TMEM132D: variants seen among roughly 807,000 people sequenced by gnomAD.
The protein encoded by TMEM132D is transmembrane protein 132D, also known as mature OL transmembrane protein.
A neutral mutation model predicts 62.3 loss-of-function variants in TMEM132D; 21 were observed. The ratio of observed to expected loss-of-function variants is 0.34; its 90% CI spans 0.24 to 0.49. TMEM132D has a LOEUF of 0.49. Ranked by LOEUF, TMEM132D falls within the 20% of genes least tolerant of loss-of-function variation. The pLI, the probability that TMEM132D is intolerant of heterozygous loss-of-function variation, is 0.99. For synonymous variants in TMEM132D, 621 were observed against 575.6 expected, an observed-to-expected ratio of 1.08 and a Z score of -1.13; for missense variants, 1,346 against 1,402.8, an observed-to-expected ratio of 0.96 and a Z score of 0.65.
chr12:129,324,827 CAAGAAAAA>C (rs899843241), intron 4 of TMEM132D, among the ~76,000 whole-genome samples: 3 of 149,656 alleles, frequency 2.0e-5, no homozygotes, highest in African/African-American at 7.4e-5. Context: ...GACTCCATCT[CAAGAAAAA>C]AAGAAAAAAA....
intron 3 of TMEM132D, among the ~76,000 whole-genome samples, chr12:129,358,817 G>T (rs1407190908): frequency 3.9e-5 from 6 of 152,122 alleles, no homozygotes; most frequent in Non-Finnish European, 7.3e-5. Context: ...AGGAACTGCA[G>T]GCACAAATGC....
intron 3 of TMEM132D, among the ~76,000 whole-genome samples, chr12:129,518,497 G>A (rs1440333317): frequency 2.7e-5 from 4 of 149,548 alleles, no homozygotes; most frequent in African/African-American, 4.9e-5. Flanking sequence ...TGACTATATT[G>A]TGTGTGTGTG....
intron 5 of TMEM132D, among the ~76,000 whole-genome samples, chr12:129,136,879 TATC>T (rs920289897): frequency 9.2e-5 from 13 of 141,182 alleles, no homozygotes; most frequent in African/African-American, 2.9e-4. Flanking sequence ...CCATCATTAC[TATC>T]ATCATCACCA....
At chr12:129,083,741 A>G (rs1695441672) in intron 6 of TMEM132D, among the ~76,000 whole-genome samples, 1 of 152,232 alleles carries the variant, frequency 6.6e-6, no homozygotes, top group Non-Finnish European at 1.5e-5. Context: ...TACTTTTAGC[A>G]ATCAACATGT....
chr12:129,292,846 G>GA (rs1207087265), intron 4 of TMEM132D, among the ~76,000 whole-genome samples: 1 of 152,108 alleles, frequency 6.6e-6, no homozygotes, highest in Non-Finnish European at 1.5e-5. Context: ...CAAAAGTCTA[G>GA]AAAAAAGGTA....
intron 3 of TMEM132D, among the ~76,000 whole-genome samples, chr12:129,497,815 A>G (rs1875005945): frequency 6.6e-6 from 1 of 152,092 alleles, no homozygotes; most frequent in Middle Eastern, 3.2e-3. Flanking sequence ...GCACACTACC[A>G]TGCCCAGCTA....
chr12:129,106,989 T>C (rs1875522035), intron 5 of TMEM132D, among the ~76,000 whole-genome samples: 1 of 152,162 alleles, frequency 6.6e-6, no homozygotes, highest in Non-Finnish European at 1.5e-5. Flanking sequence ...TACCTCAGCA[T>C]CCCCTAACTG....
chr12:129,515,890 C>T (rs1413259039), intron 3 of TMEM132D, among the ~76,000 whole-genome samples: 3 of 152,158 alleles, frequency 2.0e-5, no homozygotes, highest in Non-Finnish European at 4.4e-5. Context: ...CATGTAAAAC[C>T]TTGGTTAAAT....
At chr12:129,118,141 T>TA (rs1875949880) in intron 5 of TMEM132D, among the ~76,000 whole-genome samples, 1 of 152,232 alleles carries the variant, frequency 6.6e-6, no homozygotes, top group Non-Finnish European at 1.5e-5. Context: ...CCCCTAAAAA[T>TA]ACAGCTCAGA....
chr12:129,378,825 A>G (rs1025252490), intron 3 of TMEM132D, among the ~76,000 whole-genome samples: 3 of 152,212 alleles, frequency 2.0e-5, no homozygotes, highest in African/African-American at 4.8e-5. Context: ...GGAAAGTTCA[A>G]TCAACAGGAA....
chr12:129,283,564 C>T (rs990327493), intron 4 of TMEM132D, among the ~76,000 whole-genome samples: 2 of 152,182 alleles, frequency 1.3e-5, no homozygotes, highest in Non-Finnish European at 2.9e-5. Context: ...AAACATATCT[C>T]TACTGAATTT....
intron 4 of TMEM132D, among the ~76,000 whole-genome samples, chr12:129,287,949 C>T (rs984781553): frequency 3.3e-5 from 5 of 152,164 alleles, no homozygotes; most frequent in East Asian, 3.9e-4. Flanking sequence ...AGCACTGTAG[C>T]GTTGTAATAT....
chr12:129,600,156 TA>T (rs1878447701), intron 2 of TMEM132D, among the ~76,000 whole-genome samples: 1 of 152,256 alleles, frequency 6.6e-6, no homozygotes. Flanking sequence ...TGTAATATTC[TA>T]AATCCTTTGT....
At chr12:129,685,667 G>A (rs1188098060) in intron 2 of TMEM132D, among the ~76,000 whole-genome samples, 1 of 152,132 alleles carries the variant, frequency 6.6e-6, no homozygotes, top group Non-Finnish European at 1.5e-5. Flanking sequence ...AGGGCCAACT[G>A]TCCCCCAGAC....
At chr12:129,367,972 G>C (rs1870475445) in intron 3 of TMEM132D, among the ~76,000 whole-genome samples, 1 of 151,968 alleles carries the variant, frequency 6.6e-6, no homozygotes, top group South Asian at 2.1e-4. Context: ...TTTTAGTAGA[G>C]ATGGGGTTTA....
chr12:129,213,520 C>CAAAAT (rs1879112519), intron 4 of TMEM132D, among the ~76,000 whole-genome samples: 1 of 151,454 alleles, frequency 6.6e-6, no homozygotes, highest in Non-Finnish European at 1.5e-5. Context: ...CAAAACAAAA[C>CAAAAT]AAAACAAAAA....
At chr12:129,695,186 G>C (rs988811979) in intron 2 of TMEM132D, among the ~76,000 whole-genome samples, 2 of 152,128 alleles carry the variant, frequency 1.3e-5, no homozygotes, top group Admixed American at 6.5e-5. Flanking sequence ...CAGGAGACAT[G>C]ACCCCTATAT....
In TMEM132D at chr12:129,700,431, G is replaced by A. The variant is rs777436470; in HGVS notation, c.347C>T (p.Pro116Leu). ...VPQDLMLPSN[P>L]FGFTNKFSLN... ...AGAAAATTTGTTGGTGAATCCAAAT[G>A]GGTTGGAAGGTAGCATTAAATCCTG... Residue 116 changes from proline (P) to leucine (L), a missense_variant, in exon 2 of 9, where the codon CCA (proline) becomes CTA (leucine). By Grantham distance (98) the Pro-to-Leu change is moderately conservative. Transcript: ENST00000422113. The A allele has an allele frequency of 5.6e-6, 9 of 1,614,160 alleles. No individual in the cohort carries two copies. The highest frequency in any genetic ancestry group is 7.6e-6 in the Non-Finnish European group (9 of 1,180,034).
chr12:129,755,507 T>G (rs1177872774), intron 1 of TMEM132D, among the ~76,000 whole-genome samples: 2 of 152,144 alleles, frequency 1.3e-5, no homozygotes, highest in South Asian at 4.1e-4. Context: ...GGGAGCCCCC[T>G]GTGACCCGAT....
Sources: allele counts gnomAD v4.1 joint callset (sites outside exome capture counted in the v4.1 genomes callset), GRCh38; gene constraint gnomAD v4.1.1; transcripts MANE v1.5; gene names NCBI Gene and HGNC (gene_info 2026-07-23, HGNC 2026-07-21).